The following COL5A2 variants were observed in gnomAD, a reference collection of about 807,000 sequenced individuals.
COL5A2 encodes the protein collagen alpha-2(V) chain.
COL5A2 carries 23 observed loss-of-function variants against 208.2 expected under a neutral mutation model. That is an observed-to-expected ratio of 0.11 (90% CI 0.08 to 0.16). The LOEUF (loss-of-function observed/expected upper bound fraction) is 0.16. Ranked by LOEUF, COL5A2 falls within the 10% of genes least tolerant of loss-of-function variation. The pLI is 1.00. For synonymous variants in COL5A2, 625 were observed against 628.5 expected (o/e 0.99, Z 0.08); for missense variants, 1,590 against 1,956.4 (o/e 0.81, Z 3.53).
chr2:189,319,838 T>G, the COL5A2 span, among the ~76,000 whole-genome samples: 2 of 152,144 alleles, frequency 1.3e-5, no homozygotes, highest in Non-Finnish European at 1.5e-5. Context: ...GCACAGAGTT[T>G]GAGATCTGAG....
the COL5A2 span, among the ~76,000 whole-genome samples, chr2:189,295,825 T>C: frequency 1.1e-4 from 17 of 152,208 alleles, no homozygotes; most frequent in Non-Finnish European, 2.2e-4. Context: ...GTAAAATTGA[T>C]AGATGAAAAT....
At chr2:189,308,556 T>C in the COL5A2 span, among the ~76,000 whole-genome samples, 1 of 152,044 alleles carries the variant, frequency 6.6e-6, no homozygotes, top group Admixed American at 6.6e-5. Context: ...AGGAGAGAAT[T>C]AACTTAGAGT....
At chr2:189,435,244 A>G in the COL5A2 span, among the ~76,000 whole-genome samples, 1 of 152,186 alleles carries the variant, frequency 6.6e-6, no homozygotes, top group African/African-American at 2.4e-5. Context: ...CCTAGGCAAT[A>G]CCATTCACGA....
intron 3 of COL5A2, 34 bp from the exon 4 acceptor site, chr2:189,100,173 A>G (rs1485330306): frequency 1.3e-6 from 2 of 1,582,212 alleles, no homozygotes; most frequent in African/African-American, 1.3e-5. Flanking sequence ...AAATTCAATT[A>G]GCACAATATA....
chr2:189,090,279 C>T (rs1686755785), intron 7 of COL5A2, among the ~76,000 whole-genome samples: 1 of 152,070 alleles, frequency 6.6e-6, no homozygotes, highest in Non-Finnish European at 1.5e-5. Context: ...AGAGCAAGGC[C>T]CTAACCCTCT....
At chr2:189,421,685 T>G in the COL5A2 span, among the ~76,000 whole-genome samples, 8 of 152,062 alleles carry the variant, frequency 5.3e-5, no homozygotes, top group Admixed American at 3.9e-4. Context: ...AGGGACCAAG[T>G]GGGAACCACA....
chr2:189,308,878 C>A, the COL5A2 span, among the ~76,000 whole-genome samples: 3 of 152,148 alleles, frequency 2.0e-5, no homozygotes, highest in African/African-American at 7.2e-5. Flanking sequence ...CAAGCTATAG[C>A]CTGACCACCT....
At chr2:189,323,753 A>C in the COL5A2 span, among the ~76,000 whole-genome samples, 1 of 152,192 alleles carries the variant, frequency 6.6e-6, no homozygotes, top group Admixed American at 6.5e-5. Flanking sequence ...TGCCCAAGGT[A>C]ATTTATAGAT....
the COL5A2 span, among the ~76,000 whole-genome samples, chr2:189,288,092 G>C: frequency 6.6e-6 from 1 of 152,060 alleles, no homozygotes; most frequent in African/African-American, 2.4e-5. Context: ...GCCACCTGCT[G>C]TTTATGGAAT....
intron 1 of COL5A2, among the ~76,000 whole-genome samples, chr2:189,147,345 AAAGAC>A (rs1490913441): frequency 6.6e-6 from 1 of 152,166 alleles, no homozygotes; most frequent in African/African-American, 2.4e-5. Flanking sequence ...GCAAACCAGA[AAAGAC>A]AAGTTGTCAA....
At chr2:189,324,582 C>T in the COL5A2 span, among the ~76,000 whole-genome samples, 2 of 132,694 alleles carry the variant, frequency 1.5e-5, no homozygotes, top group Non-Finnish European at 3.3e-5. Context: ...TCATCACTGG[C>T]CATGAGAGAA....
At chr2:189,236,626 C>T in the COL5A2 span, among the ~76,000 whole-genome samples, 21 of 151,620 alleles carry the variant, frequency 1.4e-4, 1 homozygote, top group Non-Finnish European at 1.0e-4. Flanking sequence ...AAGTTGAGAT[C>T]CTTTTTATAG....
chr2:189,072,714 G>A (rs1686302062), intron 17 of COL5A2, among the ~76,000 whole-genome samples: 1 of 140,654 alleles, frequency 7.1e-6, no homozygotes, highest in Admixed American at 7.6e-5. Flanking sequence ...GGAGGTTGTA[G>A]TGAGCTGAGA....
the COL5A2 span, among the ~76,000 whole-genome samples, chr2:189,359,342 T>C: frequency 6.6e-6 from 1 of 152,208 alleles, no homozygotes; most frequent in Non-Finnish European, 1.5e-5. Flanking sequence ...GTTTGATTTT[T>C]GTCCTTCATT....
chr2:189,314,420 C>T, the COL5A2 span, among the ~76,000 whole-genome samples: 1 of 152,164 alleles, frequency 6.6e-6, no homozygotes, highest in African/African-American at 2.4e-5. Flanking sequence ...ACACCAGAGT[C>T]TCTGGGACAG....
At chr2:189,218,941 A>G (rs917806112) in intron 1 of COL5A2, among the ~76,000 whole-genome samples, 1 of 152,176 alleles carries the variant, frequency 6.6e-6, no homozygotes, top group South Asian at 2.1e-4. Context: ...TAAAAACCGG[A>G]AGTTACTTCA....
At chr2:189,313,074 A>G in the COL5A2 span, among the ~76,000 whole-genome samples, 3 of 152,058 alleles carry the variant, frequency 2.0e-5, no homozygotes, top group African/African-American at 7.2e-5. Flanking sequence ...AATCACAAGT[A>G]TTAATAGCGT....
chr2:189,054,143 A>G lies in COL5A2; in HGVS notation c.2445+16T>C, dbSNP rs1685851695. On this transcript the variant is annotated intron_variant, in intron 36 of 53. Coordinates refer to ENST00000374866, the MANE Select transcript of COL5A2 (RefSeq NM_000393.5). ...CTCATAATTTTGAGTGTACAAATTA[A>G]CAACTTGTGACTTACCTTTTCTCCA... The G allele has an allele frequency of 6.2e-7, 1 of 1,610,968 alleles. No individual in the cohort carries two copies. Among genetic ancestry groups the G allele is most frequent in the Admixed American group, 1.7e-5 (1 of 59,998 alleles).
At chr2:189,194,529 T>C (rs1237158840) in intron 1 of COL5A2, among the ~76,000 whole-genome samples, 1 of 152,182 alleles carries the variant, frequency 6.6e-6, no homozygotes, top group Admixed American at 6.5e-5. Context: ...ACTAATCCTA[T>C]GTACAGGTCT....
Sources: allele counts gnomAD v4.1 joint callset (sites outside exome capture counted in the v4.1 genomes callset), GRCh38; gene constraint gnomAD v4.1.1; transcripts MANE v1.5; gene names NCBI Gene and HGNC (gene_info 2026-07-23, HGNC 2026-07-21).